The following OTOGL variants were observed in gnomAD, a reference collection of about 807,000 sequenced individuals.
OTOGL encodes otogelin like, also known as otogelin-like protein.
A neutral mutation model predicts 318.5 loss-of-function variants in OTOGL; 285 were observed. The observed-to-expected ratio is 0.89, with a 90% CI of 0.81 to 0.99. The LOEUF is 0.99. Among genes scored for constraint, OTOGL ranks in the 50% least tolerant of loss-of-function variants. The pLI, the probability that OTOGL is intolerant of heterozygous loss-of-function variation, is 0.00. For missense variants in OTOGL, 2,899 were observed against 2,845.6 expected, an observed-to-expected ratio of 1.02 and a Z score of -0.43; for synonymous variants, 987 against 936.5, an observed-to-expected ratio of 1.05 and a Z score of -0.99.
chr12:80,345,237 A>AT (rs1566001420), intron 44 of OTOGL, among the ~76,000 whole-genome samples: 1 of 138,606 alleles, frequency 7.2e-6, no homozygotes, highest in Non-Finnish European at 1.5e-5. Flanking sequence ...TTATATATAT[A>AT]TATTTTTTTG....
Position 80,314,349 on chromosome 12 carries a change from TAA to T in OTOGL, c.3634+22_3634+23del. On this transcript the variant is annotated intron_variant, in intron 32 of 58. Coordinates refer to ENST00000547103, the MANE Select transcript of OTOGL (RefSeq NM_001378609.3). ...CAATGAAGGTATGTGACATTCAAAT[TAA>T]AAATATCACTATAGTATTCTATTAG... 1 of 1,021,292 alleles carries T rather than the reference TAA, an allele frequency of 9.8e-7. No individual in the cohort carries two copies. The highest frequency in any genetic ancestry group is 1.3e-6 in the Non-Finnish European group (1 of 765,316). 63.3% of individuals were successfully genotyped at this position (1,021,292 alleles called of 1,614,324 possible). A position where few individuals can be genotyped will look rare whatever the true frequency, so the allele number is the denominator to read the frequency against.
chr12:80,249,445 C>G (rs905398857), intron 11 of OTOGL, among the ~76,000 whole-genome samples: 4 of 151,506 alleles, frequency 2.6e-5, no homozygotes, highest in African/African-American at 9.8e-5. Flanking sequence ...CAGTGTGCCC[C>G]TGCTGGGGGG....
intron 1 of OTOGL, among the ~76,000 whole-genome samples, chr12:80,177,853 C>A (rs746087471): frequency 2.9e-4 from 44 of 152,078 alleles, no homozygotes; most frequent in Admixed American, 5.9e-4. Context: ...TCAGAGCAAC[C>A]TTTAGTCTAG....
At chr12:80,193,020 G>T (rs1875805659) in intron 1 of OTOGL, among the ~76,000 whole-genome samples, 1 of 151,778 alleles carries the variant, frequency 6.6e-6, no homozygotes, top group Non-Finnish European at 1.5e-5. Flanking sequence ...TTGAATTTGA[G>T]AAAATTGTGG....
At chr12:80,139,080 C>T (rs1015082211) in intron 1 of OTOGL, among the ~76,000 whole-genome samples, 1 of 151,970 alleles carries the variant, frequency 6.6e-6, no homozygotes, top group African/African-American at 2.4e-5. Context: ...ATATAGGACT[C>T]GAATTATGCA....
intron 24 of OTOGL, 131 bp downstream of exon 24, chr12:80,271,941 G>C: frequency 2.9e-6 from 3 of 1,026,284 alleles, no homozygotes; most frequent in Non-Finnish European, 4.1e-6. Flanking sequence ...GTAGCTAGAA[G>C]ACTATTGTGA....
chr12:80,251,869 T>C, intron 12 of OTOGL, 70 bp downstream of exon 12: 1 of 1,340,422 alleles, frequency 7.5e-7, no homozygotes, highest in Non-Finnish European at 1.0e-6. Context: ...ACTCAAAACT[T>C]ACTGTACTAC....
intron 30 of OTOGL, 76 bp from the exon 31 acceptor site, chr12:80,313,396 CACAT>C: frequency 7.3e-7 from 1 of 1,364,684 alleles, no homozygotes; most frequent in Non-Finnish European, 1.0e-6. Flanking sequence ...ACTTTGAAAA[CACAT>C]AGTTTTTTAG....
At chr12:80,126,822 G>A (rs868383329) in intron 1 of OTOGL, among the ~76,000 whole-genome samples, 30 of 152,172 alleles carry the variant, frequency 2.0e-4, no homozygotes, top group South Asian at 1.9e-3. Context: ...TTTGATCTTT[G>A]TTGGTTTAAA....
intron 7 of OTOGL, among the ~76,000 whole-genome samples, chr12:80,223,285 G>A (rs12303551): frequency 0.044 from 6,732 of 151,418 alleles, 496 homozygotes; most frequent in African/African-American, 0.16. Flanking sequence ...ATATATATAT[G>A]GCATATATGT....
At chr12:80,108,396 T>A (rs942227122) in intron 1 of OTOGL, among the ~76,000 whole-genome samples, 11 of 152,064 alleles carry the variant, frequency 7.2e-5, no homozygotes, top group African/African-American at 2.7e-4. Flanking sequence ...GTTTTTTTAT[T>A]TTTAAACACA....
chr12:80,330,138 AGGTGGAGTG>A (rs1487692898), intron 37 of OTOGL, among the ~76,000 whole-genome samples: 1 of 152,202 alleles, frequency 6.6e-6, no homozygotes, highest in Admixed American at 6.5e-5. Flanking sequence ...TTGTGCCGAA[AGGTGGAGTG>A]GAAGAGATTA....
At chr12:80,163,260 A>C (rs902770491) in intron 1 of OTOGL, among the ~76,000 whole-genome samples, 18 of 152,282 alleles carry the variant, frequency 1.2e-4, no homozygotes, top group African/African-American at 3.8e-4. Flanking sequence ...AATAATGAAC[A>C]AATAGTTTAT....
At position 80,358,904 on chromosome 12, in the gene OTOGL, A is replaced by G; in HGVS notation, c.6267+4A>G. ...TATTATGCCAACTTGTGAAGTGGTA[A>G]GAACACATATTTTGATTGACTTGTC... On this transcript the variant is annotated splice_donor_region_variant and intron_variant, in intron 52 of 58. Coordinates refer to ENST00000547103, the MANE Select transcript of OTOGL (RefSeq NM_001378609.3). 1 of 1,483,130 alleles carries G rather than the reference A, an allele frequency of 6.7e-7. No individual in the cohort carries two copies. The highest frequency in any genetic ancestry group is 9.1e-7 in the Non-Finnish European group (1 of 1,102,774). The allele number at this position is 1,483,130 out of a possible 1,614,324, so 91.9% of individuals were successfully genotyped here.
chr12:80,278,613 T>C (rs1391499471), intron 25 of OTOGL, among the ~76,000 whole-genome samples: 4 of 151,518 alleles, frequency 2.6e-5, no homozygotes, highest in Non-Finnish European at 5.9e-5. Context: ...GTCAAAAGAA[T>C]ACCATAAAAT....
chr12:80,367,523 C>T, intron 53 of OTOGL, 38 bp from the exon 54 acceptor site: 1 of 1,393,520 alleles, frequency 7.2e-7, no homozygotes, highest in Non-Finnish European at 9.6e-7. Context: ...CAAAACTCAA[C>T]AGTATATTTT....
intron 44 of OTOGL, among the ~76,000 whole-genome samples, chr12:80,345,391 A>G (rs1468429010): frequency 6.6e-6 from 1 of 151,110 alleles, no homozygotes. Context: ...ATGTGCCACC[A>G]GGTCTGGCTA....
At chr12:80,352,267 C>T (rs545933946) in intron 44 of OTOGL, 28 bp from the exon 45 acceptor site, 86 of 1,586,776 alleles carry the variant, frequency 5.4e-5, no homozygotes, top group Non-Finnish European at 7.0e-5. Context: ...AACAATATAA[C>T]TTATTTCAAG....
At chr12:80,164,929 G>A (rs1873742557) in intron 1 of OTOGL, among the ~76,000 whole-genome samples, 2 of 152,002 alleles carry the variant, frequency 1.3e-5, no homozygotes, top group African/African-American at 4.8e-5. Flanking sequence ...TGTAGAGGAG[G>A]AAAAAAGGGG....
Sources: allele counts gnomAD v4.1 joint callset (sites outside exome capture counted in the v4.1 genomes callset), GRCh38; gene constraint gnomAD v4.1.1; transcripts MANE v1.5; gene names NCBI Gene and HGNC (gene_info 2026-07-23, HGNC 2026-07-21).